Variants in ALDH16A1 observed in about 807,000 individuals in gnomAD.
ALDH16A1 encodes the protein aldehyde dehydrogenase 16 family member A1, also known as aldehyde dehydrogenase family 16 member A1.
Under a neutral mutation model 96.1 loss-of-function variants are expected in ALDH16A1, and 88 were observed. That is an observed-to-expected ratio of 0.92 (90% CI 0.77 to 1.09). The LOEUF (loss-of-function observed/expected upper bound fraction) is 1.09, where lower values mean the gene tolerates loss of function less well. ALDH16A1 is among the 50% of genes least tolerant of loss of function. The pLI, the probability that ALDH16A1 is intolerant of heterozygous loss-of-function variation, is 0.00. For synonymous variants in ALDH16A1, 522 were observed against 496.4 expected, an observed-to-expected ratio of 1.05 and a Z score of -0.69; for missense variants, 1,250 against 1,112.6, an observed-to-expected ratio of 1.12 and a Z score of -1.76.
chr19:49,459,186 T>A lies in ALDH16A1; in HGVS notation c.320+100T>A. 6.6e-7 allele frequency: 1 copy of A among 1,509,188 alleles called. No homozygotes were observed. The highest frequency in any genetic ancestry group is 8.9e-7 in the Non-Finnish European group (1 of 1,128,982). 93.5% of individuals were successfully genotyped at this position (1,509,188 alleles called of 1,614,324 possible). On this transcript the variant is annotated intron_variant, in intron 3 of 16. Coordinates refer to ENST00000293350, the MANE Select transcript of ALDH16A1 (RefSeq NM_153329.4). This position sits in a 1 kb window ranked among gnomAD's most constrained non-coding sequence, Gnocchi z 4.1. Reference sequence around the variant, plus strand: ...ATTTCCCAAGATCCCACTGAATTAATTTGCAGCTAAGGCTCAGATTCCCAG... The same window carrying A: ...ATTTCCCAAGATCCCACTGAATTAAATTGCAGCTAAGGCTCAGATTCCCAG...
Position 49,466,119 on chromosome 19 carries a change from C to T in ALDH16A1, c.1774C>T (p.Leu592=), listed in dbSNP as rs2079196105. ...GQSPGARAAL[L]WALAAALERR... is the part of the protein sequence containing the mutation. The stretch of plus-strand genomic sequence containing the variant: ...GTCCCCAGGAGCCCGGGCAGCCCTG[C>T]TGTGGGCCCTGGCGGCTGCACTGGA... The change falls in exon 14 of 17, where the codon CTG becomes TTG. Residue 592 remains leucine, a synonymous_variant. Coordinates refer to ENST00000293350, the MANE Select transcript of ALDH16A1 (RefSeq NM_153329.4). The T allele has an allele frequency of 1.3e-6, 2 of 1,553,218 alleles. No homozygotes were observed. Among genetic ancestry groups the T allele is most frequent in the East Asian group, 4.7e-5 (2 of 42,192 alleles).
Position 49,470,424 on chromosome 19 carries a change from G to C in ALDH16A1, c.2366G>C (p.Arg789Pro), listed in dbSNP as rs142350570. Reference sequence around the variant, plus strand: ...GGGGCAGGCCCAGAGCTGGGGCTGCGAGTGGCGCGGACCAAGGCCCTGTGG... The same window carrying C: ...GGGGCAGGCCCAGAGCTGGGGCTGCCAGTGGCGCGGACCAAGGCCCTGTGG... Reference protein sequence around the residue: ...AEGAGPELGLRVARTKALWLP... With the variant: ...AEGAGPELGLPVARTKALWLP... Residue 789 changes from arginine (R) to proline (P), a missense_variant, in exon 17 of 17, where the codon CGA becomes CCA. Physicochemically the swap from Arg to Pro is moderately radical, Grantham distance 103 (BLOSUM62 -2). Coordinates refer to ENST00000293350, the MANE Select transcript of ALDH16A1 (RefSeq NM_153329.4). 8 of 1,606,904 alleles carry C rather than the reference G, an allele frequency of 5.0e-6. No homozygotes were observed. The highest frequency in any genetic ancestry group is 3.4e-5 in the Admixed American group (2 of 58,338).
intron 1 of ALDH16A1, 144 bp downstream of exon 1, chr19:49,453,565 C>T (rs1345291485): frequency 2.6e-6 from 2 of 775,214 alleles, no homozygotes; most frequent in African/African-American, 1.7e-5. Context: ...CCAATAGGAT[C>T]GCGCCCTGTA....
rs2079123718 is a variant in ALDH16A1, at chr19:49,459,257, C to T, written c.320+171C>T. Among the ~76,000 whole-genome samples, 1 of 152,234 alleles carries T rather than the reference C, an allele frequency of 6.6e-6. No homozygotes were observed. The highest frequency in any genetic ancestry group is 2.1e-4 in the South Asian group (1 of 4,832). ...GGCTGAAACATGCATCCGTTGTCCA[C>T]TATTCACTGGGACTAGAAGCCACAA... On this transcript the variant is annotated intron_variant, in intron 3 of 16. Transcript: ENST00000293350. This position sits in a 1 kb window ranked among gnomAD's most constrained non-coding sequence, Gnocchi z 4.1.
Position 49,461,705 on chromosome 19 carries a change from G to A in ALDH16A1, c.664G>A (p.Gly222Arg), listed in dbSNP as rs1568651399. 6.2e-7 allele frequency: 1 copy of A among 1,609,696 alleles called. No individual in the cohort carries two copies. The highest frequency in any genetic ancestry group is 2.2e-5 in the East Asian group (1 of 44,722). Residue 222 changes from glycine to arginine, a missense_variant, in exon 6 of 17, where the codon GGA becomes AGA. Coordinates refer to ENST00000293350, the MANE Select transcript of ALDH16A1 (RefSeq NM_153329.4). ...QLAGELGPFPGILNVLSGPAS... is the reference protein window; with the variant it reads ...QLAGELGPFPRILNVLSGPAS... ...GGCGGGGGAGCTGGGCCCCTTCCCGGGAATCCTGAATGTCCTCAGTGGCCC... is the reference window on the plus strand; with the variant it reads ...GGCGGGGGAGCTGGGCCCCTTCCCGAGAATCCTGAATGTCCTCAGTGGCCC...
chr19:49,468,736 C>T lies in ALDH16A1; in HGVS notation c.2125-128C>T, dbSNP rs1030991259. 17 of 1,372,506 alleles carry T rather than the reference C, an allele frequency of 1.2e-5. No homozygotes were observed. Among genetic ancestry groups the T allele is most frequent in the Admixed American group, 2.1e-5 (1 of 48,418 alleles). 85.0% of individuals were successfully genotyped at this position (1,372,506 alleles called of 1,614,324 possible). ...CCTTGGGGACCCAGTGCCCATTCTT[C>T]ACCCTAGGCCTGGGGCTTTCTCCTC... On this transcript the variant is annotated intron_variant, in intron 15 of 16. Coordinates refer to ENST00000293350, the MANE Select transcript of ALDH16A1 (RefSeq NM_153329.4). This position sits in a 1 kb window ranked among gnomAD's most constrained non-coding sequence, Gnocchi z 4.4.
In ALDH16A1 at chr19:49,470,702, G is replaced by A. The variant is rs140271709; in HGVS notation, c.*235G>A. ...CTGGCTCTGTCACCCAGGCTGGAGCGCAGTGGCACAATCTCGGCCCACTGC... is the reference window on the plus strand; with the variant it reads ...CTGGCTCTGTCACCCAGGCTGGAGCACAGTGGCACAATCTCGGCCCACTGC... On this transcript the variant is annotated 3_prime_UTR_variant, in exon 17 of 17. Coordinates refer to ENST00000293350, the MANE Select transcript of ALDH16A1 (RefSeq NM_153329.4). The A allele has an allele frequency of 5.8e-4, 226 of 391,544 alleles. 1 individual carries two copies. Among genetic ancestry groups the A allele is most frequent in the African/African-American group, 3.5e-3 (161 of 46,144 alleles). 24.3% of individuals were successfully genotyped at this position (391,544 alleles called of 1,614,324 possible).
At chr19:49,458,435 C>A in intron 1 of ALDH16A1, 51 bp from the exon 2 acceptor site, 1 of 1,457,660 alleles carries the variant, frequency 6.9e-7, no homozygotes, top group Non-Finnish European at 9.4e-7. Flanking sequence ...AGGGGTTGAA[C>A]TGCCCCAGCT....
At chr19:49,454,781 G>A (rs10413177) in intron 1 of ALDH16A1, among the ~76,000 whole-genome samples, 3,227 of 152,246 alleles carry the variant, frequency 0.021, 129 homozygotes, top group African/African-American at 0.073. Flanking sequence ...TCAGGAATTC[G>A]AGACCAGCCT....
At position 49,459,922 on chromosome 19, in the gene ALDH16A1, T is replaced by C. The variant is rs2079128882; in HGVS notation, c.499+74T>C. 6 of 1,501,882 alleles carry C rather than the reference T, an allele frequency of 4.0e-6. No individual in the cohort carries two copies. Among genetic ancestry groups the C allele is most frequent in the African/African-American group, 1.4e-5 (1 of 69,290 alleles). 93.0% of individuals were successfully genotyped at this position (1,501,882 alleles called of 1,614,324 possible). ...GCTAGCTCCAGTCCCCTCATTCTTT[T>C]TCTTTTAGACAGAGTTTCGCTCTTG... On this transcript the variant is annotated intron_variant, in intron 4 of 16. Coordinates refer to ENST00000293350, the MANE Select transcript of ALDH16A1 (RefSeq NM_153329.4). The surrounding 1 kb of genome is among the most constrained non-coding windows in gnomAD (Gnocchi z 4.1).
At position 49,459,970 on chromosome 19, in the gene ALDH16A1, G is replaced by C. The variant is rs1373014361; in HGVS notation, c.499+122G>C. 1 of 1,228,974 alleles carries C rather than the reference G, an allele frequency of 8.1e-7. No homozygotes were observed. The highest frequency in any genetic ancestry group is 1.1e-6 in the Non-Finnish European group (1 of 914,432). The allele number at this position is 1,228,974 out of a possible 1,614,324, so 76.1% of individuals were successfully genotyped here. On this transcript the variant is annotated intron_variant, in intron 4 of 16. Coordinates refer to ENST00000293350, the MANE Select transcript of ALDH16A1 (RefSeq NM_153329.4). This position sits in a 1 kb window ranked among gnomAD's most constrained non-coding sequence, Gnocchi z 4.1. ...TTGTCGCCCAGGCCGGAGTGCAGTG[G>C]CGCAATCTTGGCTCACTATAACCTC...
chr19:49,467,981 C>G (rs1486306968), intron 14 of ALDH16A1, among the ~76,000 whole-genome samples: 6 of 150,806 alleles, frequency 4.0e-5, no homozygotes, highest in Admixed American at 4.0e-4. Flanking sequence ...AGTGAAACCC[C>G]GTCTCTACTA....
At chr19:49,465,955 G>C in intron 13 of ALDH16A1, 50 bp downstream of exon 13, 1 of 1,583,706 alleles carries the variant, frequency 6.3e-7, no homozygotes, top group Non-Finnish European at 8.6e-7. Flanking sequence ...GCAGAGAGGG[G>C]AGCCTGCCCA....
rs377397858 is a variant in ALDH16A1, at chr19:49,458,897, A to G, written c.194-63A>G. On this transcript the variant is annotated intron_variant, in intron 2 of 16. Transcript: ENST00000293350. ...GGCTGATCCAGGCTCCGAAAATCTCAGCCCCCTCCAGATATGACATGGGCT... is the reference window on the plus strand; with the variant it reads ...GGCTGATCCAGGCTCCGAAAATCTCGGCCCCCTCCAGATATGACATGGGCT... The G allele has an allele frequency of 3.4e-5, 53 of 1,569,628 alleles. 1 individual carries two copies. The East Asian group carries it at 7.9e-4, about 23-fold the overall frequency.
In ALDH16A1 at chr19:49,462,508, T is replaced by G. The variant is rs916234488; in HGVS notation, c.913-62T>G. On this transcript the variant is annotated intron_variant, in intron 7 of 16. Transcript: ENST00000293350. ...AGTTTTCCAGCCTCTGTCTTCACTC[T>G]TCAGATCACCAACTTGCTAGAGTGC... is the stretch of plus-strand genomic sequence containing the variant. 5 of 1,561,302 alleles carry G rather than the reference T, an allele frequency of 3.2e-6. No homozygotes were observed. In the African/African-American group the frequency reaches 6.9e-5, roughly 21 times the overall value.
chr19:49,455,820 A>G (rs1161834127), intron 1 of ALDH16A1, among the ~76,000 whole-genome samples: 1 of 152,212 alleles, frequency 6.6e-6, no homozygotes, highest in African/African-American at 2.4e-5. Flanking sequence ...TACACCAGCA[A>G]AGTTCTCAAC....
chr19:49,467,404 T>G (rs2079207637), intron 14 of ALDH16A1, among the ~76,000 whole-genome samples: 1 of 150,612 alleles, frequency 6.6e-6, no homozygotes, highest in Non-Finnish European at 1.5e-5. Context: ...TTCTTTTTTT[T>G]TTTTTTTTGA....
chr19:49,454,172 G>A (rs2079091847), intron 1 of ALDH16A1, among the ~76,000 whole-genome samples: 1 of 151,764 alleles, frequency 6.6e-6, no homozygotes, highest in Non-Finnish European at 1.5e-5. Context: ...AGAGACGCGC[G>A]CCACCACTCT....
chr19:49,464,062 T>C, intron 9 of ALDH16A1, 65 bp from the exon 10 acceptor site: 1 of 1,580,908 alleles, frequency 6.3e-7, no homozygotes, highest in East Asian at 2.3e-5. Flanking sequence ...GGCTGCTGCC[T>C]GCTCTAGGCT....
Sources: allele counts gnomAD v4.1 joint callset (sites outside exome capture counted in the v4.1 genomes callset), GRCh38; gene constraint gnomAD v4.1.1; non-coding constraint Gnocchi (gnomAD v3.1); transcripts MANE v1.5; gene names NCBI Gene and HGNC (gene_info 2026-07-23, HGNC 2026-07-21).